The following PRKG1 variants were observed in gnomAD, a reference collection of about 807,000 sequenced individuals.
The protein encoded by PRKG1 is cGMP-dependent protein kinase 1.
PRKG1 carries 35 observed loss-of-function variants against 88.1 expected under a neutral mutation model. The ratio of observed to expected loss-of-function variants is 0.40; its 90% CI spans 0.30 to 0.53. PRKG1 has a LOEUF of 0.53. Among genes scored for constraint, PRKG1 ranks in the 20% least tolerant of loss-of-function variants. The pLI is 0.59. For missense variants in PRKG1, 540 were observed against 839.8 expected (o/e 0.64, Z 4.41); for synonymous variants, 303 against 292.5 (o/e 1.04, Z -0.37).
chr10:51,934,406 AT>A (rs1413531196), intron 5 of PRKG1, among the ~76,000 whole-genome samples: 3 of 152,162 alleles, frequency 2.0e-5, no homozygotes, highest in Non-Finnish European at 2.9e-5. Flanking sequence ...TGTTCTTAAC[AT>A]TTTAGCTTCA....
intron 3 of PRKG1, among the ~76,000 whole-genome samples, chr10:51,766,457 G>A (rs1838166410): frequency 6.6e-6 from 1 of 152,038 alleles, no homozygotes; most frequent in East Asian, 1.9e-4. Flanking sequence ...GTGGCTGTTG[G>A]CATATCTTAG....
At chr10:52,193,559 AAAACAAAAAAAAAAAAC>A (rs1381356607) in intron 9 of PRKG1, among the ~76,000 whole-genome samples, 2 of 29,020 alleles carry the variant, frequency 6.9e-5, no homozygotes, top group African/African-American at 1.4e-4. Context: ...AAAAAAAAAA[AAAACAAAAAAAAAAAAC>A]AAAAAAAAAA....
intron 5 of PRKG1, among the ~76,000 whole-genome samples, chr10:51,958,538 TG>T: frequency 6.9e-6 from 1 of 145,206 alleles, no homozygotes; most frequent in African/African-American, 2.5e-5. Flanking sequence ...GGTCGTCCAT[TG>T]TTGTTCCTTT....
chr10:51,216,548 T>G (rs1838376884), intron 2 of PRKG1, among the ~76,000 whole-genome samples: 1 of 152,128 alleles, frequency 6.6e-6, no homozygotes, highest in Non-Finnish European at 1.5e-5. Context: ...AGGACATTGG[T>G]GTGAGGATTG....
chr10:51,472,059 A>C (rs1247962185), intron 3 of PRKG1, among the ~76,000 whole-genome samples: 1 of 151,898 alleles, frequency 6.6e-6, no homozygotes, highest in Non-Finnish European at 1.5e-5. Flanking sequence ...CAAATTGATG[A>C]CTTTAATAAT....
chr10:51,477,736 C>A lies in PRKG1; in HGVS notation c.592+9900C>A, dbSNP rs76475228. 1.2e-3 allele frequency among the ~76,000 whole-genome samples: 182 copies of A among 152,048 alleles called. 1 individual carries two copies. The highest frequency in any genetic ancestry group is 4.4e-3 in the African/African-American group (181 of 41,518). ...TAATCTGGAAGGGAGTTCGAACTTT[C>A]GTCATTTGCCGAACCTGAGGAACTA... On this transcript the variant is annotated intron_variant, in intron 3 of 17. Transcript: ENST00000373980.
intron 1 of PRKG1, among the ~76,000 whole-genome samples, chr10:51,042,890 C>G (rs986084133): frequency 6.6e-6 from 1 of 152,168 alleles, no homozygotes; most frequent in Non-Finnish European, 1.5e-5. Context: ...TCCCTTGTCC[C>G]TTCTGCCACG....
intron 5 of PRKG1, among the ~76,000 whole-genome samples, chr10:51,974,023 T>C (rs1409681307): frequency 1.3e-5 from 2 of 152,188 alleles, no homozygotes; most frequent in Non-Finnish European, 2.9e-5. Flanking sequence ...TTCATTCATT[T>C]CCACATTGTC....
At position 52,175,384 on chromosome 10, in the gene PRKG1, T is replaced by C. The variant is rs772988974; in HGVS notation, c.1076+13421T>C. The stretch of plus-strand genomic sequence containing the variant: ...CACATTTTCTATATCCATTCATCTG[T>C]TTTTGAATCCATATCAACACCCAGG... On this transcript the variant is annotated intron_variant, in intron 9 of 17. Transcript: ENST00000373980. Among the ~76,000 whole-genome samples the C allele has an allele frequency of 8.5e-4, 130 of 152,192 alleles. 1 individual carries two copies. Among genetic ancestry groups the C allele is most frequent in the Middle Eastern group, 3.4e-3 (1 of 294 alleles).
In PRKG1 at chr10:51,416,540, C is replaced by T. The variant is rs886466264; in HGVS notation, c.479-51183C>T. 4.6e-5 allele frequency among the ~76,000 whole-genome samples: 7 copies of T among 151,962 alleles called. 1 individual carries two copies. In the South Asian group the frequency reaches 6.3e-4, roughly 14 times the overall value. On this transcript the variant is annotated intron_variant, in intron 2 of 17. Transcript: ENST00000373980. ...CTCAACCAGTTTCAAACTATGCCAC[C>T]GGGACACAGTAATCTTGTTCTACAT... is the stretch of plus-strand genomic sequence containing the variant.
intron 3 of PRKG1, among the ~76,000 whole-genome samples, chr10:51,555,788 G>A (rs991670510): frequency 3.0e-4 from 45 of 152,042 alleles, no homozygotes; most frequent in African/African-American, 1.7e-4. Context: ...TAGGGGAAGA[G>A]GAAGGGTTAC....
intron 1 of PRKG1, among the ~76,000 whole-genome samples, chr10:51,005,513 G>A (rs956410099): frequency 6.6e-6 from 1 of 152,140 alleles, no homozygotes; most frequent in Non-Finnish European, 1.5e-5. Flanking sequence ...GGAACAATAG[G>A]ACAAAAGGAA....
In PRKG1 at chr10:51,452,145, ACAGT is replaced by A. The variant is rs780433291; in HGVS notation, c.479-15575_479-15572del. 9.2e-5 allele frequency among the ~76,000 whole-genome samples: 14 copies of A among 152,086 alleles called. 1 individual carries two copies. Among genetic ancestry groups the A allele is most frequent in the Middle Eastern group, 3.4e-3 (1 of 294 alleles). On this transcript the variant is annotated intron_variant, in intron 2 of 17. Transcript: ENST00000373980. ...TAAACAAACTTGTGCATTCATCACCACAGTCAAACTTAAAATATTCTCATTACCC... is the reference window on the plus strand; with the variant it reads ...TAAACAAACTTGTGCATTCATCACCACAAACTTAAAATATTCTCATTACCC...
At chr10:51,231,736 A>C (rs1838851159) in intron 2 of PRKG1, among the ~76,000 whole-genome samples, 1 of 150,364 alleles carries the variant, frequency 6.7e-6, no homozygotes, top group African/African-American at 2.5e-5. Context: ...TACCTACAAC[A>C]CTTCTAGATG....
intron 1 of PRKG1, among the ~76,000 whole-genome samples, chr10:51,126,329 A>G (rs1845415246): frequency 8.1e-6 from 1 of 123,326 alleles, no homozygotes; most frequent in South Asian, 2.5e-4. Flanking sequence ...ATGTTTTTAT[A>G]TTTTATATTA....
Position 51,768,684 on chromosome 10 carries a change from T to C in PRKG1, c.593-35901T>C, listed in dbSNP as rs116069100. Among the ~76,000 whole-genome samples the C allele has an allele frequency of 4.4e-3, 669 of 152,264 alleles. 7 individuals are homozygous for C. Among genetic ancestry groups the C allele is most frequent in the African/African-American group, 0.015 (626 of 41,546 alleles). Reference sequence around the variant, plus strand: ...CCTCGTCAGATAACCCAGGAAGGTATAATGTATTTAAAAGATGAAAAAGGA... The same window carrying C: ...CCTCGTCAGATAACCCAGGAAGGTACAATGTATTTAAAAGATGAAAAAGGA... On this transcript the variant is annotated intron_variant, in intron 3 of 17. Transcript: ENST00000373980.
chr10:51,981,244 C>T (rs1844001495), intron 5 of PRKG1, among the ~76,000 whole-genome samples: 1 of 152,116 alleles, frequency 6.6e-6, no homozygotes, highest in Non-Finnish European at 1.5e-5. Context: ...ACATATTAAG[C>T]TTAATTTGGC....
At chr10:52,025,202 G>A (rs1249735032) in intron 5 of PRKG1, among the ~76,000 whole-genome samples, 5 of 152,098 alleles carry the variant, frequency 3.3e-5, no homozygotes, top group Admixed American at 6.6e-5. Context: ...ATTTGTTTAA[G>A]TTCTTTGTAG....
intron 2 of PRKG1, among the ~76,000 whole-genome samples, chr10:51,164,122 G>C (rs185830313): frequency 6.6e-6 from 1 of 152,146 alleles, no homozygotes; most frequent in Non-Finnish European, 1.5e-5. Flanking sequence ...CCTGACCCCC[G>C]AGCAGCCTAA....
Sources: allele counts gnomAD v4.1 joint callset (sites outside exome capture counted in the v4.1 genomes callset), GRCh38; gene constraint gnomAD v4.1.1; transcripts MANE v1.5; gene names NCBI Gene and HGNC (gene_info 2026-07-23, HGNC 2026-07-21).